TNR: variants seen among roughly 807,000 people sequenced by gnomAD.
TNR encodes the protein tenascin R.
In TNR, 45 loss-of-function variants were observed where a neutral mutation model predicts 150.4. That is an observed-to-expected ratio of 0.30 (90% CI 0.24 to 0.38). The LOEUF (loss-of-function observed/expected upper bound fraction) is 0.38. Ranked by LOEUF, TNR falls within the 10% of genes least tolerant of loss-of-function variation. TNR has a pLI of 1.00. For missense variants in TNR, 1,544 were observed against 1,759.1 expected (o/e 0.88, Z 2.19); for synonymous variants, 687 against 678.4 (o/e 1.01, Z -0.20).
intron 2 of TNR, 51 bp downstream of exon 2, chr1:175,528,218 C>T (rs1659926245): frequency 1.3e-5 from 2 of 152,168 alleles, no homozygotes; most frequent in Admixed American, 1.3e-4. Context: ...CATATGAAAG[C>T]CACAGACTGG....
At chr1:175,384,731 C>T (rs908669758) in intron 8 of TNR, among the ~76,000 whole-genome samples, 2 of 152,206 alleles carry the variant, frequency 1.3e-5, no homozygotes, top group Non-Finnish European at 2.9e-5. Context: ...TTCCTCTATG[C>T]TCTAAGTCCT....
chr1:175,709,613 T>C (rs1237669307), intron 1 of TNR, among the ~76,000 whole-genome samples: 1 of 152,218 alleles, frequency 6.6e-6, no homozygotes, highest in African/African-American at 2.4e-5. Flanking sequence ...TTAGCCAGAA[T>C]GCTCATTCCC....
chr1:175,652,137 ATT>A (rs1249013270), intron 1 of TNR, among the ~76,000 whole-genome samples: 1 of 147,942 alleles, frequency 6.8e-6, no homozygotes, highest in East Asian at 1.9e-4. Flanking sequence ...TATATTATAT[ATT>A]ATACTTTATA....
At chr1:175,550,559 T>C (rs1312646374) in intron 1 of TNR, among the ~76,000 whole-genome samples, 1 of 151,312 alleles carries the variant, frequency 6.6e-6, no homozygotes, top group Non-Finnish European at 1.5e-5. Flanking sequence ...ACAATGTCTC[T>C]GTAGAAATGA....
intron 1 of TNR, among the ~76,000 whole-genome samples, chr1:175,692,756 C>A (rs903324255): frequency 3.3e-5 from 5 of 152,034 alleles, no homozygotes; most frequent in Admixed American, 6.6e-5. Context: ...ACTTCACAGG[C>A]CCTAGTATAG....
At chr1:175,506,391 G>A (rs118082844) in intron 2 of TNR, among the ~76,000 whole-genome samples, 1 of 152,278 alleles carries the variant, frequency 6.6e-6, no homozygotes, top group East Asian at 1.9e-4. Context: ...ACTAAATCGT[G>A]TCCCCCCAGA....
chr1:175,674,079 T>C (rs1260294904), intron 1 of TNR, among the ~76,000 whole-genome samples: 1 of 152,090 alleles, frequency 6.6e-6, no homozygotes, highest in Non-Finnish European at 1.5e-5. Context: ...GAGAAGGATA[T>C]GGTGGTGCAG....
intron 1 of TNR, among the ~76,000 whole-genome samples, chr1:175,542,219 C>T (rs566427034): frequency 6.6e-6 from 1 of 152,296 alleles, no homozygotes; most frequent in Non-Finnish European, 1.5e-5. Flanking sequence ...AATGCAGGCC[C>T]TCCCTCTCTC....
At chr1:175,709,198 GA>G (rs780159010) in intron 1 of TNR, among the ~76,000 whole-genome samples, 1 of 152,036 alleles carries the variant, frequency 6.6e-6, no homozygotes, top group Non-Finnish European at 1.5e-5. Context: ...CCTGTGGAGG[GA>G]TGCCAAAAGG....
chr1:175,454,572 AG>A (rs1337266751), intron 2 of TNR, among the ~76,000 whole-genome samples: 1 of 152,132 alleles, frequency 6.6e-6, no homozygotes, highest in East Asian at 1.9e-4. Flanking sequence ...CCTGGGTTCA[AG>A]CGATTCTCCT....
chr1:175,414,854 C>T (rs533077095), intron 2 of TNR, among the ~76,000 whole-genome samples: 1 of 152,104 alleles, frequency 6.6e-6, no homozygotes, highest in African/African-American at 2.4e-5. Context: ...TATCCACATG[C>T]CTTTGAGCTT....
At chr1:175,492,685 A>C (rs1658310948) in intron 2 of TNR, among the ~76,000 whole-genome samples, 1 of 152,208 alleles carries the variant, frequency 6.6e-6, no homozygotes, top group African/African-American at 2.4e-5. Flanking sequence ...ATGATAAGTT[A>C]GAATTGCTTC....
At chr1:175,415,800 G>A (rs974404723) in intron 2 of TNR, among the ~76,000 whole-genome samples, 1 of 152,168 alleles carries the variant, frequency 6.6e-6, no homozygotes, top group East Asian at 1.9e-4. Context: ...TATCAATCAA[G>A]GGAATGATAC....
intron 18 of TNR, among the ~76,000 whole-genome samples, chr1:175,340,759 T>G (rs1298398126): frequency 6.6e-6 from 1 of 152,216 alleles, no homozygotes; most frequent in Non-Finnish European, 1.5e-5. Context: ...GTGGAATTGG[T>G]AAACTAAGCA....
chr1:175,359,698 T>A lies in TNR; in HGVS notation c.2888A>T (p.Asn963Ile), dbSNP rs780363494. The A allele has an allele frequency of 6.2e-7, 1 of 1,613,688 alleles. No individual in the cohort carries two copies. Among genetic ancestry groups the A allele is most frequent in the East Asian group, 2.2e-5 (1 of 44,854 alleles). ...CAGCAGGGCTTCTGTTGGAGTGATA[T>A]TGGTAGCAATCAGATCCACAGGGTT... ...MDNPVDLIAT[N>I]ITPTEALLQW... The change falls in exon 15 of 23, where the codon AAT becomes ATT. Residue 963 changes from asparagine to isoleucine, a missense_variant. Transcript: ENST00000367674.
intron 1 of TNR, among the ~76,000 whole-genome samples, chr1:175,719,558 C>G (rs1027330121): frequency 1.3e-5 from 2 of 152,196 alleles, no homozygotes; most frequent in Admixed American, 1.3e-4. Context: ...ACACATAAAG[C>G]ACTTAGAATT....
At chr1:175,420,567 A>C (rs1378353929) in intron 2 of TNR, among the ~76,000 whole-genome samples, 1 of 152,194 alleles carries the variant, frequency 6.6e-6, no homozygotes. Flanking sequence ...AGATTTCAAC[A>C]TTTTTTCTCA....
intron 1 of TNR, among the ~76,000 whole-genome samples, chr1:175,588,820 A>G (rs935820874): frequency 6.6e-6 from 1 of 152,200 alleles, no homozygotes; most frequent in Non-Finnish European, 1.5e-5. Context: ...ATGAGAGTAG[A>G]GATAAGCCCA....
intron 15 of TNR, 95 bp downstream of exon 15, chr1:175,359,517 T>C (rs529338488): frequency 8.8e-6 from 14 of 1,594,704 alleles, no homozygotes; most frequent in African/African-American, 8.0e-5. Context: ...GTCCTTCAGA[T>C]TGAAAAAATG....
Sources: allele counts gnomAD v4.1 joint callset (sites outside exome capture counted in the v4.1 genomes callset), GRCh38; gene constraint gnomAD v4.1.1; transcripts MANE v1.5; gene names NCBI Gene and HGNC (gene_info 2026-07-23, HGNC 2026-07-21).